SHISA5: variants seen among roughly 807,000 people sequenced by gnomAD.
The protein encoded by SHISA5 is protein shisa-5.
A neutral mutation model predicts 27.5 loss-of-function variants in SHISA5; 21 were observed. The ratio of observed to expected loss-of-function variants is 0.76; its 90% CI spans 0.54 to 1.10. The LOEUF is 1.10. SHISA5 is among the 50% of genes least tolerant of loss of function. The pLI, the probability that SHISA5 is intolerant of heterozygous loss-of-function variation, is 0.00. For synonymous variants in SHISA5, 137 were observed against 142.2 expected, an observed-to-expected ratio of 0.96 and a Z score of 0.26; for missense variants, 314 against 336.3, an observed-to-expected ratio of 0.93 and a Z score of 0.52.
chr3:48,471,623 TA>T (rs2040625869), intron 3 of SHISA5, among the ~76,000 whole-genome samples: 3 of 107,264 alleles, frequency 2.8e-5, no homozygotes, highest in South Asian at 5.7e-4. Context: ...TTTTAAAAAA[TA>T]AAAAACGGTT....
At chr3:48,498,805 G>T (rs1039789218) in intron 2 of SHISA5, among the ~76,000 whole-genome samples, 1 of 152,026 alleles carries the variant, frequency 6.6e-6, no homozygotes, top group African/African-American at 2.4e-5. Flanking sequence ...AATGCATACG[G>T]GCGCGGTGGC....
intron 2 of SHISA5, among the ~76,000 whole-genome samples, chr3:48,489,413 C>T (rs2041352001): frequency 6.6e-6 from 1 of 151,136 alleles, no homozygotes; most frequent in African/African-American, 2.4e-5. Context: ...GCTCTGCCTC[C>T]CGGGTTCACG....
chr3:48,472,412 C>T (rs1211615589), intron 3 of SHISA5, among the ~76,000 whole-genome samples: 4 of 152,046 alleles, frequency 2.6e-5, no homozygotes, highest in Admixed American at 1.3e-4. Context: ...AGAAGAATCA[C>T]GTGAACCCAT....
chr3:48,475,243 C>T (rs945535094), intron 3 of SHISA5, among the ~76,000 whole-genome samples: 1 of 152,094 alleles, frequency 6.6e-6, no homozygotes, highest in South Asian at 2.1e-4. Flanking sequence ...GGTTGCAGAG[C>T]GGGGCTAGGG....
rs771121366 is a variant in SHISA5, at chr3:48,469,176, G to A, written c.654C>T (p.Ala218=). 2.9e-5 allele frequency: 47 copies of A among 1,612,154 alleles called. No individual in the cohort carries two copies. The highest frequency in any genetic ancestry group is 2.1e-4 in the South Asian group (19 of 91,064). Residue 218 remains alanine (A), a synonymous_variant, in exon 6 of 6, where the codon GCC becomes GCT. Coordinates refer to ENST00000296444, the MANE Select transcript of SHISA5 (RefSeq NM_016479.6). This position sits in a 1 kb window ranked among gnomAD's most constrained non-coding sequence, Gnocchi z 4.6. ...GAGGCTGGCTGGCGGGGTAGGGCGCGGCTGCTCCTCCTGAAAGCAGAGAGG... is the reference window on the plus strand; with the variant it reads ...GAGGCTGGCTGGCGGGGTAGGGCGCAGCTGCTCCTCCTGAAAGCAGAGAGG... ...AYHETLAGGA[A]APYPASQPPY...
chr3:48,477,900 C>T (rs977273602), intron 3 of SHISA5, among the ~76,000 whole-genome samples: 3 of 152,222 alleles, frequency 2.0e-5, no homozygotes, highest in East Asian at 1.9e-4. Context: ...GCCAGGAAGC[C>T]GCCTGAGGCC....
chr3:48,472,898 C>T (rs1453771709), intron 3 of SHISA5: 3 of 1,101,428 alleles, frequency 2.7e-6, no homozygotes, highest in Non-Finnish European at 4.0e-6. Context: ...GAGAAACGCA[C>T]ACACATTCAC....
chr3:48,471,299 G>A (rs2040603322), intron 3 of SHISA5, among the ~76,000 whole-genome samples: 1 of 151,866 alleles, frequency 6.6e-6, no homozygotes, highest in Non-Finnish European at 1.5e-5. Flanking sequence ...AAACTGTCTC[G>A]TGGCCAGGGT....
rs1042067266 is a variant in SHISA5 at position 48,470,842 on chromosome 3, G to A, written c.315-999C>T. On this transcript the variant is annotated intron_variant, in intron 3 of 5. Transcript: ENST00000296444. The surrounding 1 kb of genome is among the most constrained non-coding windows in gnomAD (Gnocchi z 4.3). ...CTTGGGAGGCTGAGGCAGGAGAATC[G>A]CTTGAACCCGAGAGGCAGAGGTTGC... Among the ~76,000 whole-genome samples the A allele has an allele frequency of 7.3e-5, 11 of 151,684 alleles. No individual in the cohort carries two copies. Among genetic ancestry groups the A allele is most frequent in the Non-Finnish European group, 1.2e-4 (8 of 67,912 alleles).
rs1473264517 is a variant in SHISA5, at chr3:48,473,932, G to A, written c.315-4089C>T. Among the ~76,000 whole-genome samples, 1 of 151,310 alleles carries A rather than the reference G, an allele frequency of 6.6e-6. No homozygotes were observed. The highest frequency in any genetic ancestry group is 1.5e-5 in the Non-Finnish European group (1 of 67,878). ...AATACAAAAATTAGCCAGGCTTGGT[G>A]GCACGCACCTGTAATCCCAGCTACT... On this transcript the variant is annotated intron_variant, in intron 3 of 5. Coordinates refer to ENST00000296444, the MANE Select transcript of SHISA5 (RefSeq NM_016479.6). The surrounding 1 kb of genome is among the most constrained non-coding windows in gnomAD (Gnocchi z 4.3).
intron 2 of SHISA5, among the ~76,000 whole-genome samples, chr3:48,483,871 C>A (rs1391648982): frequency 6.6e-6 from 1 of 152,044 alleles, no homozygotes; most frequent in Non-Finnish European, 1.5e-5. Context: ...GGGGCTGACC[C>A]CACCTAGCTA....
chr3:48,469,125 G>A lies in SHISA5; in HGVS notation c.705C>T (p.Ala235=). The A allele has an allele frequency of 6.2e-7, 1 of 1,613,082 alleles. No homozygotes were observed. Among genetic ancestry groups the A allele is most frequent in the Non-Finnish European group, 8.5e-7 (1 of 1,180,020 alleles). Residue 235 remains alanine, a synonymous_variant, in exon 6 of 6, where the codon GCC becomes GCT. Coordinates refer to ENST00000296444, the MANE Select transcript of SHISA5 (RefSeq NM_016479.6). The surrounding 1 kb of genome is among the most constrained non-coding windows in gnomAD (Gnocchi z 4.6). ...QPPYNPAYMD[A]PKAAL is the part of the protein sequence containing the mutation. ...GGAATGCTCAGAGGGCCGCCTTCGG[G>A]GCATCCATGTAGGCCGGGTTGTAAG... is the stretch of plus-strand genomic sequence containing the variant.
intron 2 of SHISA5, among the ~76,000 whole-genome samples, chr3:48,495,941 A>G (rs2041536052): frequency 6.8e-6 from 1 of 146,688 alleles, no homozygotes; most frequent in South Asian, 2.1e-4. Flanking sequence ...ACTTGAGGTC[A>G]GGAGTTCAAG....
At chr3:48,487,556 T>C (rs913504028) in intron 2 of SHISA5, among the ~76,000 whole-genome samples, 7 of 152,132 alleles carry the variant, frequency 4.6e-5, no homozygotes, top group African/African-American at 7.2e-5. Flanking sequence ...AGAAGTTTAA[T>C]AGATTTTTTT....
intron 3 of SHISA5, chr3:48,477,187 T>C: frequency 2.5e-6 from 1 of 401,440 alleles, no homozygotes; most frequent in Non-Finnish European, 4.9e-6. Flanking sequence ...CTCTGCCTCC[T>C]GGGTTCAAGT....
At chr3:48,478,609 T>C (rs915937629) in intron 3 of SHISA5, among the ~76,000 whole-genome samples, 3 of 152,042 alleles carry the variant, frequency 2.0e-5, no homozygotes, top group African/African-American at 7.2e-5. Flanking sequence ...GACTGGGGTT[T>C]GGGGGCTGGG....
At chr3:48,501,411 G>A (rs1315827105) in intron 1 of SHISA5, 118 bp from the exon 2 acceptor site, 3 of 1,215,444 alleles carry the variant, frequency 2.5e-6, no homozygotes, top group African/African-American at 1.5e-5. Context: ...CACCGTCTCT[G>A]AGCCACCCTA....
rs372509164 is a variant in SHISA5 at position 48,469,232 on chromosome 3, C to A, written c.644-46G>T. 1.6e-5 allele frequency: 26 copies of A among 1,599,252 alleles called. No individual in the cohort carries two copies. The African/African-American group carries it at 3.1e-4, about 19-fold the overall frequency. ...GGTTGGCTGTGAGCATGGTGGGCTG[C>A]CGTGTGAGTGGCAGGCAAGCAGAAA... On this transcript the variant is annotated intron_variant, in intron 5 of 5. Coordinates refer to ENST00000296444, the MANE Select transcript of SHISA5 (RefSeq NM_016479.6). This position sits in a 1 kb window ranked among gnomAD's most constrained non-coding sequence, Gnocchi z 4.6.
At chr3:48,479,132 T>C in intron 3 of SHISA5, 45 bp downstream of exon 3, 1 of 1,552,284 alleles carries the variant, frequency 6.4e-7, no homozygotes, top group African/African-American at 1.4e-5. Context: ...AGCCCTCTTG[T>C]CACCTTTGCC....
Sources: allele counts gnomAD v4.1 joint callset (sites outside exome capture counted in the v4.1 genomes callset), GRCh38; gene constraint gnomAD v4.1.1; non-coding constraint Gnocchi (gnomAD v3.1); transcripts MANE v1.5; gene names NCBI Gene and HGNC (gene_info 2026-07-23, HGNC 2026-07-21).